AUTS2: variants seen among roughly 807,000 people sequenced by gnomAD.
AUTS2 encodes the protein activator of transcription and developmental regulator AUTS2.
Under a neutral mutation model 112.4 loss-of-function variants are expected in AUTS2, and 17 were observed. The ratio of observed to expected loss-of-function variants is 0.15; its 90% CI spans 0.10 to 0.23. The LOEUF is 0.23. Ranked by LOEUF, AUTS2 falls within the 10% of genes least tolerant of loss-of-function variation. The pLI is 1.00. For missense variants in AUTS2, 1,510 were observed against 1,701.6 expected (o/e 0.89, Z 1.98); for synonymous variants, 751 against 702.7 (o/e 1.07, Z -1.09).
At chr7:70,246,204 AT>A (rs1263262024) in intron 4 of AUTS2, among the ~76,000 whole-genome samples, 2 of 152,122 alleles carry the variant, frequency 1.3e-5, no homozygotes, top group African/African-American at 4.8e-5. Context: ...TAATGATAGA[AT>A]AGTTGAGTTT....
chr7:70,016,656 A>G (rs1318765087), intron 2 of AUTS2, among the ~76,000 whole-genome samples: 1 of 151,060 alleles, frequency 6.6e-6, no homozygotes, highest in Non-Finnish European at 1.5e-5. Flanking sequence ...AGGTTGCACA[A>G]TGCCTTGACA....
intron 5 of AUTS2, among the ~76,000 whole-genome samples, chr7:70,581,256 C>T (rs759722895): frequency 1.1e-4 from 17 of 152,100 alleles, no homozygotes; most frequent in Admixed American, 2.0e-4. Context: ...CATGGTGGCT[C>T]ATGCCTGTAA....
At chr7:70,675,450 C>T (rs1585486034) in intron 5 of AUTS2, among the ~76,000 whole-genome samples, 1 of 152,136 alleles carries the variant, frequency 6.6e-6, no homozygotes, top group African/African-American at 2.4e-5. Context: ...GAGCCAAGAT[C>T]GTGCCACTGC....
At chr7:69,868,876 AC>A (rs1405922150) in intron 1 of AUTS2, among the ~76,000 whole-genome samples, 11 of 152,204 alleles carry the variant, frequency 7.2e-5, no homozygotes, top group African/African-American at 1.9e-4. Context: ...GAGTAATTGT[AC>A]CAGTGTTCCC....
chr7:70,397,108 A>T (rs1221348698), intron 4 of AUTS2, among the ~76,000 whole-genome samples: 1 of 150,998 alleles, frequency 6.6e-6, no homozygotes, highest in Non-Finnish European at 1.5e-5. Flanking sequence ...TTGTTGCCCA[A>T]GCTGGAGCTC....
chr7:69,829,955 T>C (rs560431094), intron 1 of AUTS2, among the ~76,000 whole-genome samples: 2 of 152,282 alleles, frequency 1.3e-5, no homozygotes, highest in South Asian at 4.1e-4. Context: ...ATTGCAACAC[T>C]ATTCACGATA....
In AUTS2 at chr7:70,762,881, G is replaced by C. The variant is rs145046813; in HGVS notation, c.754G>C (p.Gly252Arg). 22 of 1,612,772 alleles carry C rather than the reference G, an allele frequency of 1.4e-5. No homozygotes were observed. The highest frequency in any genetic ancestry group is 1.7e-5 in the Non-Finnish European group (20 of 1,179,054). The part of the protein sequence containing the change: ...TVIVNKDPEL[G>R]VGTLPEHDSQ... ...TCTCTCCCATGCAGATCCGGAGTTA[G>C]GTGTTGGCACGCTACCAGAACATGA... The change falls in exon 7 of 19, where the codon GGT (glycine) becomes CGT (arginine). Residue 252 changes from glycine to arginine, a missense_variant. Around this residue, in one of 3 missense-constraint regions of AUTS2, gnomAD observed 535 missense variants for 594.3 expected, o/e 0.90. Transcript: ENST00000342771.
chr7:69,701,075 C>G (rs1382938605), intron 1 of AUTS2, among the ~76,000 whole-genome samples: 1 of 152,096 alleles, frequency 6.6e-6, no homozygotes, highest in Non-Finnish European at 1.5e-5. Flanking sequence ...TGTATCACCT[C>G]GGACAAGTTA....
chr7:70,049,202 A>G (rs1391458532), intron 2 of AUTS2, among the ~76,000 whole-genome samples: 1 of 152,170 alleles, frequency 6.6e-6, no homozygotes, highest in Non-Finnish European at 1.5e-5. Context: ...GCTGTTTCAA[A>G]TTTTTAATTT....
At chr7:70,510,799 A>G (rs1799151033) in intron 5 of AUTS2, among the ~76,000 whole-genome samples, 1 of 152,090 alleles carries the variant, frequency 6.6e-6, no homozygotes, top group Non-Finnish European at 1.5e-5. Flanking sequence ...TTTTAAATGA[A>G]TAAACATTTT....
intron 6 of AUTS2, among the ~76,000 whole-genome samples, chr7:70,753,326 C>G (rs1788984959): frequency 6.6e-6 from 1 of 152,098 alleles, no homozygotes; most frequent in South Asian, 2.1e-4. Flanking sequence ...GTTTGTGATA[C>G]AGACTTCAGC....
intron 1 of AUTS2, among the ~76,000 whole-genome samples, chr7:69,708,218 A>T (rs1798151626): frequency 6.6e-6 from 1 of 152,292 alleles, no homozygotes; most frequent in African/African-American, 2.4e-5. Flanking sequence ...ATCTACAGAA[A>T]CACACACAGG....
chr7:70,349,375 T>C (rs911853349), intron 4 of AUTS2, among the ~76,000 whole-genome samples: 2 of 152,170 alleles, frequency 1.3e-5, no homozygotes, highest in African/African-American at 4.8e-5. Flanking sequence ...TGAGAGTTGA[T>C]TGTTAAAGGA....
At chr7:69,717,781 C>A (rs1421652622) in intron 1 of AUTS2, among the ~76,000 whole-genome samples, 1 of 152,114 alleles carries the variant, frequency 6.6e-6, no homozygotes, top group African/African-American at 2.4e-5. Context: ...TTCTCTCATG[C>A]ATCCCTACAC....
intron 4 of AUTS2, among the ~76,000 whole-genome samples, chr7:70,281,295 C>T (rs2129610517): frequency 6.6e-6 from 1 of 152,284 alleles, no homozygotes; most frequent in South Asian, 2.1e-4. Flanking sequence ...GCTGTACCTG[C>T]AGTACAGACC....
intron 1 of AUTS2, among the ~76,000 whole-genome samples, chr7:69,869,690 A>G (rs1025858249): frequency 6.7e-5 from 10 of 150,330 alleles, no homozygotes; most frequent in Non-Finnish European, 1.2e-4. Flanking sequence ...CCATGACTCA[A>G]TGATGGGGTA....
chr7:70,584,383 T>C (rs1802589424), intron 5 of AUTS2, among the ~76,000 whole-genome samples: 2 of 152,172 alleles, frequency 1.3e-5, no homozygotes, highest in Non-Finnish European at 2.9e-5. Context: ...CCCACTGAGG[T>C]CTCCGGATCG....
chr7:70,431,560 A>G (rs980077618), intron 4 of AUTS2, among the ~76,000 whole-genome samples: 9 of 151,974 alleles, frequency 5.9e-5, no homozygotes, highest in African/African-American at 1.9e-4. Flanking sequence ...TAATTTTTGC[A>G]TTTTTAGTAG....
chr7:69,731,488 G>A (rs1786791583), intron 1 of AUTS2, among the ~76,000 whole-genome samples: 1 of 152,154 alleles, frequency 6.6e-6, no homozygotes, highest in Admixed American at 6.5e-5. Context: ...ATTGAGCATG[G>A]TGCCTGACCC....
Sources: gnomAD v4.1 joint callset for allele counts (sites outside exome capture counted in the v4.1 genomes callset) on GRCh38, gnomAD v4.1.1 for gene constraint, gnomAD v4.1.1 regional missense constraint, MANE v1.5 for transcripts, NCBI Gene and HGNC (gene_info 2026-07-23, HGNC 2026-07-21) for gene names.